The following SHROOM1 variants were observed in gnomAD, a reference collection of about 807,000 sequenced individuals.
SHROOM1 encodes the protein protein Shroom1.
SHROOM1 carries 53 observed loss-of-function variants against 64.2 expected under a neutral mutation model. That is an observed-to-expected ratio of 0.83 (90% confidence interval 0.66 to 1.04). SHROOM1 has a LOEUF of 1.04. SHROOM1 is among the 50% of genes least tolerant of loss of function. The pLI, the probability that SHROOM1 is intolerant of heterozygous loss-of-function variation, is 0.00. For missense variants in SHROOM1, 1,179 were observed against 1,163.2 expected (o/e 1.01, Z -0.20); for synonymous variants, 490 against 518.9 (o/e 0.94, Z 0.76).
chr5:132,825,071 A>G lies in SHROOM1; in HGVS notation c.981T>C (p.Ala327=), dbSNP rs1758616349. The part of the protein sequence containing the change: ...GSGGTIPIVQ[A]VPQGAETPRP... Reference sequence around the variant, plus strand: ...TGGGGGTTTCTGCTCCTTGGGGAACAGCCTGGAAGGGTGAACAGTCGACTG... The same window carrying G: ...TGGGGGTTTCTGCTCCTTGGGGAACGGCCTGGAAGGGTGAACAGTCGACTG... The change falls in exon 5 of 10, where the codon GCT becomes GCC. Residue 327 remains alanine, a splice_region_variant and synonymous_variant. Coordinates refer to ENST00000378679, the MANE Select transcript of SHROOM1 (RefSeq NM_001172700.2). The surrounding 1 kb of genome is among the most constrained non-coding windows in gnomAD (Gnocchi z 5.1). 1 of 1,614,068 alleles carries G rather than the reference A, an allele frequency of 6.2e-7. No individual in the cohort carries two copies. Among genetic ancestry groups the G allele is most frequent in the East Asian group, 2.2e-5 (1 of 44,878 alleles).
Position 132,823,905 on chromosome 5 carries a change from T to C in SHROOM1, c.1756A>G (p.Met586Val), listed in dbSNP as rs1376307312. The C allele has an allele frequency of 4.5e-6, 7 of 1,546,208 alleles. No homozygotes were observed. In the South Asian group the frequency reaches 7.6e-5, roughly 17 times the overall value. Reference protein sequence around the residue: ...LIPLAEVRAAMRPACGEAGEE... With the variant: ...LIPLAEVRAAVRPACGEAGEE... Reference sequence around the variant, plus strand: ...CCAGCCTCCCCACAGGCAGGCCGCATTGCAGCCCGGACCTCTGCTAAAGGA... The same window carrying C: ...CCAGCCTCCCCACAGGCAGGCCGCACTGCAGCCCGGACCTCTGCTAAAGGA... The change falls in exon 7 of 10, where the codon ATG (methionine) becomes GTG (valine). Residue 586 changes from methionine (M) to valine (V), a missense_variant. By Grantham distance (21) the Met-to-Val change is conservative (BLOSUM62 1). Transcript: ENST00000378679. This position sits in a 1 kb window ranked among gnomAD's most constrained non-coding sequence, Gnocchi z 4.6.
In SHROOM1 at chr5:132,823,673, G is replaced by A; in HGVS notation, c.1903C>T (p.Pro635Ser). 1 of 1,611,274 alleles carries A rather than the reference G, an allele frequency of 6.2e-7. No homozygotes were observed. Among genetic ancestry groups the A allele is most frequent in the East Asian group, 2.2e-5 (1 of 44,860 alleles). ...NPATHPVLDQ[P>S]CGQGLPAPNN... ...GGTGCAGGGAGCCCCTGCCCACATG[G>A]CTGGTCAAGCACAGGGTGGGTGGCA... Residue 635 changes from proline (P) to serine (S), a missense_variant, in exon 8 of 10, where the codon CCA (proline) becomes TCA (serine). By Grantham distance (74) the Pro-to-Ser change is moderately conservative. Transcript: ENST00000378679. The surrounding 1 kb of genome is among the most constrained non-coding windows in gnomAD (Gnocchi z 4.6).
Position 132,823,047 on chromosome 5 carries a change from C to A in SHROOM1, c.2308G>T (p.Glu770Ter). Residue 770 changes from glutamate to a stop codon, truncating the protein, a stop_gained, in exon 10 of 10, where the codon GAG (glutamate) becomes TAG (stop). Transcript: ENST00000378679. LOFTEE classifies it high-confidence loss of function. This position sits in a 1 kb window ranked among gnomAD's most constrained non-coding sequence, Gnocchi z 4.6. ...ACCAGCACCTCCCGCACGGCCCGCT[C>A]GCGCCGCGCTACGTGCTCCTTCAGC... ...KELKEHVARR[E>*]RAVREVLVRA... The A allele has an allele frequency of 6.3e-7, 1 of 1,597,806 alleles. No homozygotes were observed. The highest frequency in any genetic ancestry group is 8.5e-7 in the Non-Finnish European group (1 of 1,178,536).
At position 132,822,677 on chromosome 5, in the gene SHROOM1, G is replaced by C. The variant is rs1758481687; in HGVS notation, c.*119C>G. ...CGCGCCCGGCTGGAGGAGTATCTTA[G>C]AAAGGCCTGGACTGGGTCCTCCCCA... On this transcript the variant is annotated 3_prime_UTR_variant, in exon 10 of 10. Coordinates refer to ENST00000378679, the MANE Select transcript of SHROOM1 (RefSeq NM_001172700.2). 1 of 1,235,922 alleles carries C rather than the reference G, an allele frequency of 8.1e-7. No individual in the cohort carries two copies. Among genetic ancestry groups the C allele is most frequent in the Non-Finnish European group, 1.1e-6 (1 of 905,896 alleles). The allele number at this position is 1,235,922 out of a possible 1,614,324, so 76.6% of individuals were successfully genotyped here.
rs1193029894 is a variant in SHROOM1 at position 132,825,873 on chromosome 5, C to G, written c.268G>C (p.Ala90Pro). The G allele has an allele frequency of 1.1e-5, 14 of 1,300,490 alleles. No individual in the cohort carries two copies. Among genetic ancestry groups the G allele is most frequent in the Non-Finnish European group, 1.4e-5 (14 of 1,019,490 alleles). The allele number at this position is 1,300,490 out of a possible 1,614,324, so 80.6% of individuals were successfully genotyped here. A position where few individuals can be genotyped will look rare whatever the true frequency, so the allele number is the denominator to read the frequency against. Residue 90 changes from alanine to proline, a missense_variant, in exon 4 of 10, where the codon GCA (alanine) becomes CCA (proline). Ala to Pro is a conservative substitution (Grantham distance 27, BLOSUM62 -1). Transcript: ENST00000378679. The surrounding 1 kb of genome is among the most constrained non-coding windows in gnomAD (Gnocchi z 5.1). ...GTTGGCTGCGGCCCACTGCGGGCTG[C>G]AACCGCGGGCCGGGGCCGCGGGGAT... ...CTSPRPRPAV[A>P]ARSGPQPTEV...
At position 132,830,595 on chromosome 5, in the gene SHROOM1, T is replaced by G; in HGVS notation, c.-502A>C. 63 of 984,984 alleles carry G rather than the reference T, an allele frequency of 6.4e-5. No individual in the cohort carries two copies. The highest frequency in any genetic ancestry group is 7.6e-5 in the Non-Finnish European group (63 of 829,780). 61.0% of individuals were successfully genotyped at this position (984,984 alleles called of 1,614,324 possible). A position where few individuals can be genotyped will look rare whatever the true frequency, so the allele number is the denominator to read the frequency against. ...CGCTCCCCCGCCCCCGCCGCGTACC[T>G]GAGGCTCCCGCCGAGACGCGCTCCT... On this transcript the variant is annotated splice_region_variant and 5_prime_UTR_variant, in exon 1 of 10. Coordinates refer to ENST00000378679, the MANE Select transcript of SHROOM1 (RefSeq NM_001172700.2). This position sits in a 1 kb window ranked among gnomAD's most constrained non-coding sequence, Gnocchi z 5.9.
chr5:132,824,858 G>A (rs1311403896), intron 5 of SHROOM1, 37 bp from the exon 6 acceptor site: 3 of 1,611,238 alleles, frequency 1.9e-6, no homozygotes, highest in East Asian at 2.2e-5. Context: ...ACAGTGAAAG[G>A]AAGGAAGCTC....
At position 132,822,870 on chromosome 5, in the gene SHROOM1, G is replaced by A. The variant is rs1010285875; in HGVS notation, c.2485C>T (p.Pro829Ser). ...GGGGGCCGCGCCGGGCTGGGAGACG[G>A]GGCATGATGGCCAAGGTCGTCCCTG... ...AIRDDLGHHA[P>S]SPSPARPPGT... Residue 829 changes from proline to serine, a missense_variant, in exon 10 of 10, where the codon CCG becomes TCG. Coordinates refer to ENST00000378679, the MANE Select transcript of SHROOM1 (RefSeq NM_001172700.2). 7 of 1,613,458 alleles carry A rather than the reference G, an allele frequency of 4.3e-6. No homozygotes were observed. The highest frequency in any genetic ancestry group is 1.3e-5 in the African/African-American group (1 of 74,950).
rs1178550909 is a variant in SHROOM1, at chr5:132,824,385, A to G, written c.1276T>C (p.Leu426=). 2 of 1,572,486 alleles carry G rather than the reference A, an allele frequency of 1.3e-6. No homozygotes were observed. Among genetic ancestry groups the G allele is most frequent in the Non-Finnish European group, 1.7e-6 (2 of 1,160,118 alleles). ...GTAACCTGGCCAGTTCTTTGGCCTA[A>G]GCCAGTTCCATACGGCTGGTCAGAG... ...HASDQPYGTG[L]GQRTGQVTVP... is the part of the protein sequence containing the mutation. The change falls in exon 7 of 10, where the codon TTA becomes CTA. Residue 426 remains leucine, a synonymous_variant. Coordinates refer to ENST00000378679, the MANE Select transcript of SHROOM1 (RefSeq NM_001172700.2).
At position 132,830,330 on chromosome 5, in the gene SHROOM1, C is replaced by T. The variant is rs1758808297; in HGVS notation, c.-501+264G>A. 1.0e-6 allele frequency: 1 copy of T among 984,896 alleles called. No homozygotes were observed. Among genetic ancestry groups the T allele is most frequent in the Non-Finnish European group, 1.2e-6 (1 of 829,750 alleles). 61.0% of individuals were successfully genotyped at this position (984,896 alleles called of 1,614,324 possible). A position where few individuals can be genotyped will look rare whatever the true frequency, so the allele number is the denominator to read the frequency against. ...CACACGCGGCGCGCCCAGCCGCGCC[C>T]CTGAGCCGCGCCGCCAGCTTAGAGT... On this transcript the variant is annotated intron_variant, in intron 1 of 9. Coordinates refer to ENST00000378679, the MANE Select transcript of SHROOM1 (RefSeq NM_001172700.2). The surrounding 1 kb of genome is among the most constrained non-coding windows in gnomAD (Gnocchi z 5.9).
chr5:132,823,749 G>C lies in SHROOM1; in HGVS notation c.1827C>G (p.Ser609Arg). The C allele has an allele frequency of 6.3e-7, 1 of 1,593,306 alleles. No homozygotes were observed. The highest frequency in any genetic ancestry group is 8.5e-7 in the Non-Finnish European group (1 of 1,171,192). Residue 609 changes from serine to arginine, a missense_variant, in exon 8 of 10, where the codon AGC becomes AGG. Physicochemically the swap from Ser to Arg is moderately radical, Grantham distance 110 (BLOSUM62 -1). Coordinates refer to ENST00000378679, the MANE Select transcript of SHROOM1 (RefSeq NM_001172700.2). This position sits in a 1 kb window ranked among gnomAD's most constrained non-coding sequence, Gnocchi z 4.6. ...STFEPGSYQF[S>R]FTQLLPAPRE... Reference sequence around the variant, plus strand: ...GAGGAGCCGGCAGGAGCTGGGTGAAGCTGAACTGATAGGACCTGGGAACAA... The same window carrying C: ...GAGGAGCCGGCAGGAGCTGGGTGAACCTGAACTGATAGGACCTGGGAACAA...
rs780230875 is a variant in SHROOM1, at chr5:132,824,035, G to A, written c.1626C>T (p.Leu542=). 2.3e-5 allele frequency: 37 copies of A among 1,608,704 alleles called. No homozygotes were observed. The highest frequency in any genetic ancestry group is 3.3e-5 in the Admixed American group (2 of 59,708). ...GSRPTWPSQC[L]EELVQELARL... is the part of the protein sequence containing the mutation. ...TGGCCAGCTCCTGAACCAGCTCCTC[G>A]AGGCACTGACTAGGCCATGTGGGCC... The change falls in exon 7 of 10, where the codon CTC becomes CTT. Residue 542 remains leucine (L), a synonymous_variant. Coordinates refer to ENST00000378679, the MANE Select transcript of SHROOM1 (RefSeq NM_001172700.2).
In SHROOM1 at chr5:132,830,384, A is replaced by AGCTGGGAGAGGCGC; in HGVS notation, c.-501+196_-501+209dup. 1.0e-6 allele frequency: 1 copy of AGCTGGGAGAGGCGC among 984,788 alleles called. No homozygotes were observed. The highest frequency in any genetic ancestry group is 1.2e-6 in the Non-Finnish European group (1 of 829,706). The allele number at this position is 984,788 out of a possible 1,614,324, so 61.0% of individuals were successfully genotyped here. ...CCGCCTCTCCGCCCTGCAGCTCTGC[A>AGCTGGGAGAGGCGC]GCTGGGAGAGGCGCGCTGGGGTCCG... On this transcript the variant is annotated intron_variant, in intron 1 of 9. Transcript: ENST00000378679. The surrounding 1 kb of genome is among the most constrained non-coding windows in gnomAD (Gnocchi z 5.9).
intron 1 of SHROOM1, chr5:132,829,676 C>G (rs1758794288): frequency 1.0e-6 from 1 of 985,342 alleles, no homozygotes; most frequent in Non-Finnish European, 1.2e-6. Context: ...CGGGTCTTCC[C>G]TCAGTACTGG....
rs1758695082 is a variant in SHROOM1 at position 132,826,175 on chromosome 5, C to T, written c.-35G>A. The T allele has an allele frequency of 1.5e-6, 2 of 1,304,146 alleles. No homozygotes were observed. Among genetic ancestry groups the T allele is most frequent in the East Asian group, 2.9e-5 (1 of 34,300 alleles). The allele number at this position is 1,304,146 out of a possible 1,614,324, so 80.8% of individuals were successfully genotyped here. ...GATGAGTGCTGAGGCTGGGTGGCTGCGTGGGTCCTGGGAAAACACAGATGT... is the reference window on the plus strand; with the variant it reads ...GATGAGTGCTGAGGCTGGGTGGCTGTGTGGGTCCTGGGAAAACACAGATGT... On this transcript the variant is annotated 5_prime_UTR_variant, in exon 4 of 10. Transcript: ENST00000378679.
chr5:132,830,505 T>C lies in SHROOM1; in HGVS notation c.-501+89A>G. 1 of 983,784 alleles carries C rather than the reference T, an allele frequency of 1.0e-6. No homozygotes were observed. The highest frequency in any genetic ancestry group is 1.2e-6 in the Non-Finnish European group (1 of 829,344). The allele number at this position is 983,784 out of a possible 1,614,324, so 60.9% of individuals were successfully genotyped here. A position where few individuals can be genotyped will look rare whatever the true frequency, so the allele number is the denominator to read the frequency against. ...GCGACCACCGCCTCGCCGCCCGCTC[T>C]TCACCCCCGTCCGCCCGCAGCCCCG... On this transcript the variant is annotated intron_variant, in intron 1 of 9. Coordinates refer to ENST00000378679, the MANE Select transcript of SHROOM1 (RefSeq NM_001172700.2). This position sits in a 1 kb window ranked among gnomAD's most constrained non-coding sequence, Gnocchi z 5.9.
In SHROOM1 at chr5:132,823,574, C is replaced by G. The variant is rs779033126; in HGVS notation, c.1953+49G>C. On this transcript the variant is annotated intron_variant, in intron 8 of 9. Transcript: ENST00000378679. The surrounding 1 kb of genome is among the most constrained non-coding windows in gnomAD (Gnocchi z 4.6). ...CAGGCTCATGACTTCCCTGCCCAGG[C>G]TCTGGGCTCCTACCCACCCCCAGCC... 12 of 1,567,638 alleles carry G rather than the reference C, an allele frequency of 7.7e-6. No individual in the cohort carries two copies. The highest frequency in any genetic ancestry group is 9.5e-6 in the Non-Finnish European group (11 of 1,153,580).
At position 132,826,117 on chromosome 5, in the gene SHROOM1, GC is replaced by G. The variant is rs1327823248; in HGVS notation, c.23del (p.Gly8AlafsTer51). On this transcript the variant is annotated frameshift_variant, in exon 4 of 10. Transcript: ENST00000378679. LOFTEE classifies it high-confidence loss of function. ...TGGACGAGGCCGGGGAGGCGCGGTC[GC>G]CCCCAGGTCCCAGGGCCTCCATGGC... MEALGPGGDRASPASSTS... is the reference protein window; with the variant it reads MEALGPGXDRASPASSTS... 13 of 1,389,438 alleles carry G rather than the reference GC, an allele frequency of 9.4e-6. No homozygotes were observed. In the South Asian group the frequency reaches 1.7e-4, roughly 18 times the overall value. 86.1% of individuals were successfully genotyped at this position (1,389,438 alleles called of 1,614,324 possible).
chr5:132,823,855 C>A lies in SHROOM1; in HGVS notation c.1806G>T (p.Glu602Asp). ...EAGEEAASTF[E>D]PGSYQFSFTQ... ...CCCTAGTACACCTCACTCACCCTGG[C>A]TCAAAAGTACTGGCAGCCTCCTCTC... The change falls in exon 7 of 10, where the codon GAG becomes GAT. Residue 602 changes from glutamate to aspartate, a missense_variant. Transcript: ENST00000378679. This position sits in a 1 kb window ranked among gnomAD's most constrained non-coding sequence, Gnocchi z 4.6. 2 of 1,527,276 alleles carry A rather than the reference C, an allele frequency of 1.3e-6. No homozygotes were observed. The highest frequency in any genetic ancestry group is 8.8e-7 in the Non-Finnish European group (1 of 1,138,556). The allele number at this position is 1,527,276 out of a possible 1,614,324, so 94.6% of individuals were successfully genotyped here. A position where few individuals can be genotyped will look rare whatever the true frequency, so the allele number is the denominator to read the frequency against.
Sources: gnomAD v4.1 joint callset for allele counts on GRCh38, gnomAD v4.1.1 for gene constraint, Gnocchi (gnomAD v3.1) non-coding constraint, MANE v1.5 for transcripts, NCBI Gene and HGNC (gene_info 2026-07-23, HGNC 2026-07-21) for gene names.